PTPRN2: variants seen among roughly 807,000 people sequenced by gnomAD.
PTPRN2 encodes the protein receptor-type tyrosine-protein phosphatase N2.
PTPRN2 carries 74 observed loss-of-function variants against 118.8 expected under a neutral mutation model. The observed-to-expected ratio is 0.62, with a 90% CI of 0.52 to 0.76. PTPRN2 has a LOEUF of 0.76. PTPRN2 is among the 30% of genes least tolerant of loss of function. The pLI, the probability that PTPRN2 is intolerant of heterozygous loss-of-function variation, is 0.00. For missense variants in PTPRN2, 1,481 were observed against 1,394.4 expected (o/e 1.06, Z -0.99); for synonymous variants, 641 against 608.0 (o/e 1.05, Z -0.80).
intron 2 of PTPRN2, among the ~76,000 whole-genome samples, chr7:158,388,192 G>GC (rs1378463241): frequency 2.6e-5 from 4 of 151,992 alleles, no homozygotes; most frequent in Admixed American, 1.3e-4. Flanking sequence ...TGAACAAGAA[G>GC]CCCCTGGACC....
rs1296479803 is a variant in PTPRN2, at chr7:158,015,459, G to C, written c.1723+65839C>G. On this transcript the variant is annotated intron_variant, in intron 11 of 22. Transcript: ENST00000389418. The surrounding 1 kb of genome is among the most constrained non-coding windows in gnomAD (Gnocchi z 4.2). ...AAAAGTGAGAGGAGGGGTGGTGAGAGAGAGAGAGAGAGGAAGAGAGGGAGA... is the reference window on the plus strand; with the variant it reads ...AAAAGTGAGAGGAGGGGTGGTGAGACAGAGAGAGAGAGGAAGAGAGGGAGA... Among the ~76,000 whole-genome samples, 1 of 151,330 alleles carries C rather than the reference G, an allele frequency of 6.6e-6. No homozygotes were observed. The highest frequency in any genetic ancestry group is 1.5e-5 in the Non-Finnish European group (1 of 67,832).
rs938696290 is a variant in PTPRN2, at chr7:157,801,398, G to A, written c.1788+97275C>T. Among the ~76,000 whole-genome samples the A allele has an allele frequency of 3.3e-5, 5 of 152,150 alleles. No homozygotes were observed. The highest frequency in any genetic ancestry group is 5.9e-5 in the Non-Finnish European group (4 of 68,038). On this transcript the variant is annotated intron_variant, in intron 12 of 22. Coordinates refer to ENST00000389418, the MANE Select transcript of PTPRN2 (RefSeq NM_002847.5). This position sits in a 1 kb window ranked among gnomAD's most constrained non-coding sequence, Gnocchi z 4.2. ...GTCGAGGTTTATTTATTCACGGAGA[G>A]GCTCTGCATCACGAGAGTGCTGCGT...
intron 13 of PTPRN2, among the ~76,000 whole-genome samples, chr7:157,661,098 C>T (rs906572440): frequency 6.6e-6 from 1 of 152,246 alleles, no homozygotes; most frequent in Non-Finnish European, 1.5e-5. Flanking sequence ...TCGCCTCCTC[C>T]GGCGGGTGGC....
chr7:158,337,382 A>C (rs1469524799), intron 2 of PTPRN2, among the ~76,000 whole-genome samples: 18 of 72,642 alleles, frequency 2.5e-4, no homozygotes, highest in Admixed American at 4.8e-4. Context: ...CACTCTCACC[A>C]TAAGAGGTAA....
rs34292487 is a variant in PTPRN2 at position 157,874,765 on chromosome 7, GCACA to G, written c.1788+23904_1788+23907del. On this transcript the variant is annotated intron_variant, in intron 12 of 22. Coordinates refer to ENST00000389418, the MANE Select transcript of PTPRN2 (RefSeq NM_002847.5). The surrounding 1 kb of genome is among the most constrained non-coding windows in gnomAD (Gnocchi z 5.8). ...TGCACATACACAGACACACACTCAT[GCACA>G]CACACACGAACACACTCATACACAT... Among the ~76,000 whole-genome samples the G allele has an allele frequency of 6.9e-4, 101 of 147,038 alleles. No individual in the cohort carries two copies. The highest frequency in any genetic ancestry group is 1.1e-3 in the Admixed American group (16 of 14,890).
intron 1 of PTPRN2, chr7:158,541,455 C>T (rs757396197): frequency 5.2e-6 from 7 of 1,351,958 alleles, no homozygotes; most frequent in Non-Finnish European, 6.9e-6. Context: ...ACACTGCCAC[C>T]GAGGGTCCAC....
rs1179364267 is a variant in PTPRN2, at chr7:157,874,985, ACAGGCAGACG to A, written c.1788+23678_1788+23687del. On this transcript the variant is annotated intron_variant, in intron 12 of 22. Coordinates refer to ENST00000389418, the MANE Select transcript of PTPRN2 (RefSeq NM_002847.5). The surrounding 1 kb of genome is among the most constrained non-coding windows in gnomAD (Gnocchi z 5.8). ...CACATACACAGAGACACAGGCACAC[ACAGGCAGACG>A]CAAACGTGCATGCACACAGACACAC... Among the ~76,000 whole-genome samples, 1 of 151,904 alleles carries A rather than the reference ACAGGCAGACG, an allele frequency of 6.6e-6. No individual in the cohort carries two copies. Among genetic ancestry groups the A allele is most frequent in the Non-Finnish European group, 1.5e-5 (1 of 67,984 alleles).
chr7:157,916,717 C>T (rs986884080), intron 11 of PTPRN2, among the ~76,000 whole-genome samples: 13 of 152,300 alleles, frequency 8.5e-5, no homozygotes, highest in African/African-American at 2.2e-4. Context: ...GTCCCCTCCC[C>T]GGCTGAAGGT....
intron 2 of PTPRN2, among the ~76,000 whole-genome samples, chr7:158,359,132 C>G (rs746222820): frequency 6.6e-6 from 1 of 152,164 alleles, no homozygotes; most frequent in Non-Finnish European, 1.5e-5. Flanking sequence ...ATCAGCAAGG[C>G]CATGGCCGGC....
At chr7:158,142,798 C>T (rs1213835402) in intron 6 of PTPRN2, among the ~76,000 whole-genome samples, 1 of 152,270 alleles carries the variant, frequency 6.6e-6, no homozygotes, top group Admixed American at 6.5e-5. Context: ...CTCCTGTCTG[C>T]AGGTGACAAA....
chr7:158,253,020 C>T (rs938733103), intron 3 of PTPRN2, among the ~76,000 whole-genome samples: 7 of 152,220 alleles, frequency 4.6e-5, no homozygotes, highest in South Asian at 4.1e-4. Context: ...GGCTGGCATG[C>T]GGAGGGTGTG....
intron 9 of PTPRN2, among the ~76,000 whole-genome samples, chr7:158,130,719 C>T (rs1403845115): frequency 6.6e-6 from 1 of 150,534 alleles, no homozygotes; most frequent in South Asian, 2.1e-4. Context: ...CTCATATACA[C>T]ACATGCACAT....
chr7:157,753,248 T>C (rs1266383543), intron 12 of PTPRN2, among the ~76,000 whole-genome samples: 1 of 152,060 alleles, frequency 6.6e-6, no homozygotes, highest in Non-Finnish European at 1.5e-5. Flanking sequence ...ATGTCTGCTG[T>C]GCTGTGGGAG....
chr7:158,483,561 C>T (rs1319329396), intron 2 of PTPRN2, among the ~76,000 whole-genome samples: 1 of 152,190 alleles, frequency 6.6e-6, no homozygotes, highest in African/African-American at 2.4e-5. Flanking sequence ...GCTGGAAAAA[C>T]TCCCAAATCT....
intron 2 of PTPRN2, among the ~76,000 whole-genome samples, chr7:158,401,308 AG>A (rs1191460212): frequency 6.6e-6 from 1 of 152,224 alleles, no homozygotes; most frequent in African/African-American, 2.4e-5. Flanking sequence ...TTTTTCCAGC[AG>A]TGAAAAATCT....
intron 1 of PTPRN2, among the ~76,000 whole-genome samples, chr7:158,561,175 C>T (rs1309406275): frequency 6.6e-6 from 1 of 152,216 alleles, no homozygotes; most frequent in Non-Finnish European, 1.5e-5. Flanking sequence ...CATTAGATTA[C>T]TTAATTCTCA....
At chr7:158,425,581 A>C (rs1408309497) in intron 2 of PTPRN2, among the ~76,000 whole-genome samples, 12 of 127,390 alleles carry the variant, frequency 9.4e-5, no homozygotes, top group Non-Finnish European at 1.7e-4. Flanking sequence ...AGACCAGCCT[A>C]GCTGAGGCCT....
chr7:158,206,434 G>C (rs1406923065), intron 3 of PTPRN2, among the ~76,000 whole-genome samples: 4 of 151,504 alleles, frequency 2.6e-5, no homozygotes, highest in Non-Finnish European at 5.9e-5. Context: ...GTGGTACCCA[G>C]GCAGTACCCC....
At chr7:157,662,420 C>T (rs938344675) in intron 13 of PTPRN2, among the ~76,000 whole-genome samples, 7 of 152,330 alleles carry the variant, frequency 4.6e-5, no homozygotes, top group South Asian at 2.1e-4. Flanking sequence ...CCCTGACCCC[C>T]GAGCACTCCC....
Sources: allele counts gnomAD v4.1 joint callset (sites outside exome capture counted in the v4.1 genomes callset), GRCh38; gene constraint gnomAD v4.1.1; non-coding constraint Gnocchi (gnomAD v3.1); transcripts MANE v1.5; gene names NCBI Gene and HGNC (gene_info 2026-07-23, HGNC 2026-07-21).